The following SCOC variants were observed in gnomAD, a reference collection of about 807,000 sequenced individuals.
SCOC encodes the protein short coiled-coil protein, also known as short coiled coil protein.
SCOC carries 7 observed loss-of-function variants against 9.9 expected under a neutral mutation model. The observed-to-expected ratio is 0.71, with a 90% CI of 0.40 to 1.33. SCOC has a LOEUF of 1.33. Among genes scored for constraint, SCOC ranks in the 40% most tolerant of loss-of-function variants. SCOC has a pLI of 0.01. For missense variants in SCOC, 66 were observed against 89.7 expected (o/e 0.74, Z 1.07); for synonymous variants, 19 against 28.2 (o/e 0.67, Z 1.03).
intron 2 of SCOC, chr4:140,366,987 CTT>C: frequency 4.7e-6 from 2 of 429,072 alleles, no homozygotes; most frequent in Non-Finnish European, 8.6e-6. Flanking sequence ...GGGTGGATCG[CTT>C]GAGGTCAGGA....
rs358305 is a variant in SCOC at position 140,373,861 on chromosome 4, C to T, written c.-51+144C>T. The T allele has an allele frequency of 0.042, 38,424 of 908,824 alleles. 1,220 individuals carry two copies. The highest frequency in any genetic ancestry group is 0.11 in the Middle Eastern group (350 of 3,184). The allele number at this position is 908,824 out of a possible 1,614,324, so 56.3% of individuals were successfully genotyped here. A position where few individuals can be genotyped will look rare whatever the true frequency, so the allele number is the denominator to read the frequency against. The stretch of plus-strand genomic sequence containing the variant: ...CGGGAGGAGCGGTCTCGGGCCTGGG[C>T]ATTTGGTGGGCGGCGGAGGCCTGGC... On this transcript the variant is annotated intron_variant, in intron 1 of 3. Transcript: ENST00000608372.
rs542834361 is a variant in SCOC, at chr4:140,288,014, C to G, written c.-19+30604C>G. Among the ~76,000 whole-genome samples the G allele has an allele frequency of 9.2e-5, 14 of 152,102 alleles. No homozygotes were observed. In the East Asian group the frequency reaches 2.7e-3, roughly 29 times the overall value. On this transcript the variant is annotated intron_variant, in intron 1 of 4. Transcript: ENST00000394205. ...ACTACATGCACCACACATGTACATA[C>G]ACCCCACACTTTACACACATACCAC...
intron 2 of SCOC, among the ~76,000 whole-genome samples, chr4:140,361,546 C>T (rs976941612): frequency 6.6e-6 from 1 of 152,084 alleles, no homozygotes; most frequent in Non-Finnish European, 1.5e-5. Flanking sequence ...GTAGTCCCAG[C>T]TATTTGAGAG....
intron 1 of SCOC, among the ~76,000 whole-genome samples, chr4:140,377,418 G>A (rs1430389371): frequency 2.6e-5 from 4 of 152,148 alleles, no homozygotes; most frequent in Non-Finnish European, 5.9e-5. Context: ...AAAAGAGGTC[G>A]GGCAGAGCAA....
chr4:140,366,379 T>C, intron 2 of SCOC: 1 of 1,277,924 alleles, frequency 7.8e-7, no homozygotes, highest in Admixed American at 2.3e-5. Flanking sequence ...CCTGCAGCGG[T>C]CATCTTTTTG....
intron 1 of SCOC, among the ~76,000 whole-genome samples, chr4:140,269,704 G>A (rs753799863): frequency 6.6e-6 from 1 of 152,162 alleles, no homozygotes; most frequent in African/African-American, 2.4e-5. Context: ...AATGGCTAAC[G>A]AGAACATATT....
In SCOC at chr4:140,276,786, C is replaced by A. The variant is rs558165863; in HGVS notation, c.-19+19376C>A. Among the ~76,000 whole-genome samples, 26 of 150,900 alleles carry A rather than the reference C, an allele frequency of 1.7e-4. No individual in the cohort carries two copies. The East Asian group carries it at 4.0e-3, about 23-fold the overall frequency. On this transcript the variant is annotated intron_variant, in intron 1 of 4. Coordinates refer to the SCOC transcript ENST00000394205. ...TCCCAGTTTTAAAGCAAAAAAAAAA[C>A]CATGTCTGGGAGTCCCCTTAGTCCC...
intron 1 of SCOC, among the ~76,000 whole-genome samples, chr4:140,281,822 G>A (rs1236320852): frequency 2.0e-5 from 3 of 152,198 alleles, no homozygotes; most frequent in African/African-American, 4.8e-5. Flanking sequence ...GAGCCTCTGG[G>A]GAACTCAGGG....
chr4:140,350,717 G>C (rs545385222), intron 2 of SCOC, among the ~76,000 whole-genome samples: 2 of 152,320 alleles, frequency 1.3e-5, no homozygotes, highest in East Asian at 3.9e-4. Context: ...TGCCATCCCT[G>C]AGCCTCCATT....
chr4:140,304,811 C>T (rs796408474), intron 1 of SCOC, among the ~76,000 whole-genome samples: 4 of 152,318 alleles, frequency 2.6e-5, no homozygotes, highest in African/African-American at 9.6e-5. Context: ...AACCAACCAA[C>T]AAACCTAACG....
chr4:140,285,155 C>G (rs1731228520), intron 1 of SCOC: 1 of 456,498 alleles, frequency 2.2e-6, no homozygotes, highest in Non-Finnish European at 4.4e-6. Flanking sequence ...ATGAAGCAAA[C>G]AGGAGTTGGG....
chr4:140,384,225 G>T lies in SCOC; in HGVS notation c.*3121G>T, dbSNP rs1322293871. 1.3e-5 allele frequency: 2 copies of T among 152,174 alleles called. No individual in the cohort carries two copies. The highest frequency in any genetic ancestry group is 2.9e-5 in the Non-Finnish European group (2 of 68,032). The allele number at this position is 152,174 out of a possible 1,614,324, so 9.4% of individuals were successfully genotyped here. A position where few individuals can be genotyped will look rare whatever the true frequency, so the allele number is the denominator to read the frequency against. ...AGCTAGAGCTATCAGATTAGTAGGTGTCAAAATATATCCCCACTGCTTGTC... is the reference window on the plus strand; with the variant it reads ...AGCTAGAGCTATCAGATTAGTAGGTTTCAAAATATATCCCCACTGCTTGTC... On this transcript the variant is annotated 3_prime_UTR_variant, in exon 4 of 4. Transcript: ENST00000608372.
intron 1 of SCOC, among the ~76,000 whole-genome samples, chr4:140,281,571 G>C (rs1364435304): frequency 1.3e-5 from 2 of 152,192 alleles, no homozygotes; most frequent in Non-Finnish European, 2.9e-5. Context: ...TTGCTTTGTG[G>C]CCTCAGTCTT....
At chr4:140,331,932 C>A (rs554520622) in intron 1 of SCOC, among the ~76,000 whole-genome samples, 1 of 152,180 alleles carries the variant, frequency 6.6e-6, no homozygotes. Context: ...GCAGCATCTA[C>A]TCCTGGGGTA....
chr4:140,314,861 C>A (rs949594940), intron 1 of SCOC, among the ~76,000 whole-genome samples: 4 of 150,896 alleles, frequency 2.7e-5, no homozygotes, highest in Non-Finnish European at 3.0e-5. Flanking sequence ...TGAACTCCAC[C>A]CCCCCACCAA....
chr4:140,371,131 C>T (rs1021512487), upstream of SCOC, among the ~76,000 whole-genome samples: 5 of 152,068 alleles, frequency 3.3e-5, no homozygotes, highest in African/African-American at 9.7e-5. Flanking sequence ...GTGATCCACC[C>T]GCCTCGACCT....
intron 1 of SCOC, among the ~76,000 whole-genome samples, chr4:140,299,128 A>T (rs879276421): frequency 2.0e-5 from 3 of 152,164 alleles, no homozygotes; most frequent in South Asian, 2.1e-4. Flanking sequence ...TTTTAAAAAA[A>T]TTTTTATTTT....
intron 1 of SCOC, among the ~76,000 whole-genome samples, chr4:140,328,169 T>C (rs192179687): frequency 7.2e-5 from 11 of 152,326 alleles, no homozygotes; most frequent in Admixed American, 3.9e-4. Context: ...TTAGCTCTTC[T>C]TACTGACACA....
chr4:140,288,939 T>C (rs1056859714), intron 1 of SCOC, among the ~76,000 whole-genome samples: 4 of 151,792 alleles, frequency 2.6e-5, no homozygotes, highest in Admixed American at 2.6e-4. Context: ...TACATACACA[T>C]GCCACACACC....
Sources: allele counts gnomAD v4.1 joint callset (sites outside exome capture counted in the v4.1 genomes callset), GRCh38; gene constraint gnomAD v4.1.1; transcripts MANE v1.5; gene names NCBI Gene and HGNC (gene_info 2026-07-23, HGNC 2026-07-21).